Variants in IL33 observed in about 807,000 individuals in gnomAD.
The protein encoded by IL33 is interleukin 33.
In IL33, 37 loss-of-function variants were observed where a neutral mutation model predicts 27.3. The ratio of observed to expected loss-of-function variants is 1.36; its 90% CI spans 1.04 to 1.78. The LOEUF (loss-of-function observed/expected upper bound fraction) is 1.78, where lower values mean the gene tolerates loss of function less well. Among genes scored for constraint, IL33 ranks in the 40% most tolerant of loss-of-function variants. IL33 has a pLI of 0.00. For synonymous variants in IL33, 132 were observed against 102.9 expected, an observed-to-expected ratio of 1.28 and a Z score of -1.71; for missense variants, 406 against 311.4, an observed-to-expected ratio of 1.30 and a Z score of -2.29.
At chr9:6,241,360 C>T (rs997725677) in intron 1 of IL33, among the ~76,000 whole-genome samples, 8 of 152,150 alleles carry the variant, frequency 5.3e-5, no homozygotes. Context: ...ACACCACCAT[C>T]ACCACAAACA....
At chr9:6,223,082 G>T (rs1164416990) in intron 1 of IL33, among the ~76,000 whole-genome samples, 2 of 152,050 alleles carry the variant, frequency 1.3e-5, no homozygotes, top group Non-Finnish European at 2.9e-5. Flanking sequence ...CTACCTAATT[G>T]CATCTCCTTT....
intron 2 of IL33, among the ~76,000 whole-genome samples, chr9:6,246,134 C>T (rs1318088035): frequency 7.3e-6 from 1 of 136,900 alleles, no homozygotes; most frequent in African/African-American, 2.7e-5. Flanking sequence ...TGTACTATTT[C>T]TCAAGATAGG....
intron 1 of IL33, among the ~76,000 whole-genome samples, chr9:6,226,314 C>G (rs989865033): frequency 6.6e-6 from 1 of 152,120 alleles, no homozygotes; most frequent in South Asian, 2.1e-4. Context: ...CCACCCCCAG[C>G]CCTTTCTTTC....
rs2130418759 is a variant in IL33 at position 6,250,486 on chromosome 9, A to G, written c.104A>G (p.Lys35Arg). 1.2e-6 allele frequency: 2 copies of G among 1,613,310 alleles called. No homozygotes were observed. Among genetic ancestry groups the G allele is most frequent in the Non-Finnish European group, 8.5e-7 (1 of 1,179,668 alleles). ...TTCAATTGTTTAGAATCCCAACAGAAGGCCAAAGAAGTTTGCCCCATGTAC... is the reference window on the plus strand; with the variant it reads ...TTCAATTGTTTAGAATCCCAACAGAGGGCCAAAGAAGTTTGCCCCATGTAC... Reference protein sequence around the residue: ...LCFKLGKSQQKAKEVCPMYFM... With the variant: ...LCFKLGKSQQRAKEVCPMYFM... The change falls in exon 3 of 8, where the codon AAG becomes AGG. Residue 35 changes from lysine to arginine, a missense_variant. Lys to Arg is a conservative substitution (Grantham distance 26). Coordinates refer to ENST00000682010, the MANE Select transcript of IL33 (RefSeq NM_033439.4).
chr9:6,225,074 C>CA (rs556804845), intron 1 of IL33, among the ~76,000 whole-genome samples: 28 of 152,266 alleles, frequency 1.8e-4, no homozygotes, highest in Non-Finnish European at 3.5e-4. Context: ...AACTGATTTC[C>CA]ATGACTGAGA....
rs368760452 is a variant in IL33 at position 6,251,297 on chromosome 9, G to A, written c.343+32G>A. On this transcript the variant is annotated intron_variant, in intron 4 of 7. Transcript: ENST00000682010. ...CTGGTTACAGGGGTGATGTGGGAGT[G>A]AGGAGGGAGGTATGACACAGGACCC... 89 of 1,609,758 alleles carry A rather than the reference G, an allele frequency of 5.5e-5. No individual in the cohort carries two copies. In the Admixed American group the frequency reaches 1.5e-3, roughly 27 times the overall value.
chr9:6,231,357 G>T (rs1354812736), intron 1 of IL33, among the ~76,000 whole-genome samples: 1 of 152,084 alleles, frequency 6.6e-6, no homozygotes, highest in Non-Finnish European at 1.5e-5. Flanking sequence ...TGCCCGCTCT[G>T]CTCCAGCCAC....
chr9:6,227,881 G>T (rs998631373), intron 1 of IL33, among the ~76,000 whole-genome samples: 4 of 152,122 alleles, frequency 2.6e-5, no homozygotes, highest in Non-Finnish European at 5.9e-5. Flanking sequence ...GGATGCAGGG[G>T]CTAGGGAGGA....
At chr9:6,236,254 A>C (rs1340967265) in intron 1 of IL33, among the ~76,000 whole-genome samples, 4 of 152,240 alleles carry the variant, frequency 2.6e-5, no homozygotes, top group Non-Finnish European at 5.9e-5. Context: ...AATGCAAAAA[A>C]AAGCTTAAAA....
chr9:6,235,773 C>T (rs1396089346), intron 1 of IL33, among the ~76,000 whole-genome samples: 1 of 152,060 alleles, frequency 6.6e-6, no homozygotes, highest in Non-Finnish European at 1.5e-5. Flanking sequence ...TTTAGAAAGG[C>T]AAACATTTCA....
intron 1 of IL33, among the ~76,000 whole-genome samples, chr9:6,221,729 G>T (rs1818419230): frequency 6.6e-6 from 1 of 152,122 alleles, no homozygotes; most frequent in Non-Finnish European, 1.5e-5. Context: ...CTCTAGAATG[G>T]CAGTTCGCTG....
chr9:6,222,202 G>T (rs1818441870), intron 1 of IL33, among the ~76,000 whole-genome samples: 1 of 152,172 alleles, frequency 6.6e-6, no homozygotes, highest in Admixed American at 6.5e-5. Flanking sequence ...TCTATGAGAA[G>T]AAAGCCTCTG....
At chr9:6,253,749 C>A in intron 6 of IL33, 147 bp downstream of exon 6, 1 of 586,912 alleles carries the variant, frequency 1.7e-6, no homozygotes, top group Non-Finnish European at 3.0e-6. Flanking sequence ...ACCTTAGATT[C>A]TCAGAGGATG....
chr9:6,225,511 CTG>C, intron 1 of IL33, among the ~76,000 whole-genome samples: 1 of 152,188 alleles, frequency 6.6e-6, no homozygotes, highest in Non-Finnish European at 1.5e-5. Flanking sequence ...CTTTCCTCAT[CTG>C]TAAAATAAGG....
chr9:6,249,340 A>C (rs1399243933), intron 2 of IL33, among the ~76,000 whole-genome samples: 6 of 152,184 alleles, frequency 3.9e-5, no homozygotes, highest in Non-Finnish European at 8.8e-5. Flanking sequence ...GTCACAAATA[A>C]TATTTTATTT....
intron 2 of IL33, among the ~76,000 whole-genome samples, chr9:6,249,598 A>G (rs968316785): frequency 1.3e-5 from 2 of 152,168 alleles, no homozygotes; most frequent in Admixed American, 6.5e-5. Context: ...GACTGATTTA[A>G]TTTGAATTTG....
At chr9:6,252,087 ACAAAAAAACC>A (rs1816426192) in intron 4 of IL33, among the ~76,000 whole-genome samples, 7 of 129,730 alleles carry the variant, frequency 5.4e-5, no homozygotes, top group East Asian at 2.3e-4. Context: ...ACAAAACAAA[ACAAAAAAACC>A]AACTTTACCT....
At chr9:6,218,500 T>G (rs930139862) in intron 1 of IL33, among the ~76,000 whole-genome samples, 3 of 151,698 alleles carry the variant, frequency 2.0e-5, no homozygotes, top group Non-Finnish European at 4.4e-5. Context: ...GAAATAGGCA[T>G]GAAATTCAAT....
At chr9:6,240,746 A>T (rs1270661749) in intron 1 of IL33, among the ~76,000 whole-genome samples, 1 of 152,176 alleles carries the variant, frequency 6.6e-6, no homozygotes, top group Non-Finnish European at 1.5e-5. Flanking sequence ...ACTACACTAA[A>T]TTTATTTAAA....
Sources: allele counts gnomAD v4.1 joint callset (sites outside exome capture counted in the v4.1 genomes callset), GRCh38; gene constraint gnomAD v4.1.1; transcripts MANE v1.5; gene names NCBI Gene and HGNC (gene_info 2026-07-23, HGNC 2026-07-21).